The following RAB3GAP2 variants were observed in gnomAD, a reference collection of about 807,000 sequenced individuals.
RAB3GAP2 encodes RAB3 GTPase activating non-catalytic protein subunit 2.
In RAB3GAP2, 87 loss-of-function variants were observed where a neutral mutation model predicts 185.3. That is an observed-to-expected ratio of 0.47 (90% CI 0.39 to 0.56). RAB3GAP2 has a LOEUF of 0.56. Ranked by LOEUF, RAB3GAP2 falls within the 20% of genes least tolerant of loss-of-function variation. The probability of loss-of-function intolerance (pLI) is 0.00; values close to 1 mark genes in which losing one functional copy is unlikely to be tolerated. For missense variants in RAB3GAP2, 1,492 were observed against 1,638.2 expected, an observed-to-expected ratio of 0.91 and a Z score of 1.54; for synonymous variants, 554 against 576.1, an observed-to-expected ratio of 0.96 and a Z score of 0.55.
intron 1 of RAB3GAP2, among the ~76,000 whole-genome samples, chr1:220,243,277 C>G (rs1659732561): frequency 6.6e-6 from 1 of 151,028 alleles, no homozygotes; most frequent in Admixed American, 6.6e-5. Context: ...TGGTGTGAAC[C>G]TGGGAGGCAG....
intron 1 of RAB3GAP2, among the ~76,000 whole-genome samples, chr1:220,248,128 CA>C (rs138274095): frequency 0.07 from 10,606 of 151,202 alleles, 491 homozygotes; most frequent in South Asian, 0.12. Context: ...CTAAAAGATG[CA>C]AAAAAAATGA....
intron 2 of RAB3GAP2, among the ~76,000 whole-genome samples, chr1:220,214,477 G>T (rs1659146582): frequency 6.6e-6 from 1 of 151,706 alleles, no homozygotes; most frequent in African/African-American, 2.4e-5. Flanking sequence ...AGTGAGCTGA[G>T]ATCGCACCAC....
At chr1:220,156,751 G>A (rs1384546588) in intron 31 of RAB3GAP2, among the ~76,000 whole-genome samples, 1 of 152,162 alleles carries the variant, frequency 6.6e-6, no homozygotes, top group African/African-American at 2.4e-5. Context: ...GAAGAAAATT[G>A]GCTTGAAGTA....
At chr1:220,175,004 C>T (rs920987170) in intron 21 of RAB3GAP2, among the ~76,000 whole-genome samples, 32 of 152,180 alleles carry the variant, frequency 2.1e-4, no homozygotes, top group African/African-American at 7.7e-4. Context: ...GTTGCCTATA[C>T]AGTTAACAAA....
At chr1:220,267,091 C>A (rs1571938269) in intron 1 of RAB3GAP2, 12 of 1,569,930 alleles carry the variant, frequency 7.6e-6, no homozygotes, top group Non-Finnish European at 1.1e-5. Flanking sequence ...TTCTGACCAC[C>A]CAAAATTTGC....
At chr1:220,254,392 GCCTATA>G (rs1291995772) in intron 1 of RAB3GAP2, 1 of 1,612,798 alleles carries the variant, frequency 6.2e-7, no homozygotes, top group East Asian at 2.2e-5. Context: ...AGCAATGTTG[GCCTATA>G]CACCTCTGGA....
intron 2 of RAB3GAP2, among the ~76,000 whole-genome samples, chr1:220,216,870 T>A (rs1659210376): frequency 6.6e-6 from 1 of 152,152 alleles, no homozygotes; most frequent in African/African-American, 2.4e-5. Flanking sequence ...CCTAAAAATA[T>A]TATAAAAGTT....
At chr1:220,167,243 G>T in intron 26 of RAB3GAP2, 50 bp downstream of exon 26, 1 of 1,496,574 alleles carries the variant, frequency 6.7e-7, no homozygotes. Context: ...TATATGAATA[G>T]CATGAACACA....
chr1:220,153,882 G>T, intron 32 of RAB3GAP2, 86 bp downstream of exon 32: 1 of 1,575,924 alleles, frequency 6.3e-7, no homozygotes. Flanking sequence ...ATAGAAAGTA[G>T]TCATTCTTTT....
At chr1:220,159,545 A>G (rs1657926128) in intron 28 of RAB3GAP2, 124 bp from the exon 29 acceptor site, 4 of 699,520 alleles carry the variant, frequency 5.7e-6, no homozygotes, top group Non-Finnish European at 9.8e-6. Flanking sequence ...TAAATGTGAC[A>G]GCCTCATTAA....
At chr1:220,167,724 C>A (rs1469111074) in intron 24 of RAB3GAP2, 49 bp from the exon 25 acceptor site, 1 of 1,576,646 alleles carries the variant, frequency 6.3e-7, no homozygotes, top group African/African-American at 1.3e-5. Context: ...ACACACAGGG[C>A]AGTGTTTGCC....
intron 28 of RAB3GAP2, among the ~76,000 whole-genome samples, chr1:220,161,478 G>A (rs989794883): frequency 3.9e-5 from 6 of 152,098 alleles, no homozygotes; most frequent in Admixed American, 1.3e-4. Context: ...TGGTACTGTC[G>A]GCATGCTAGC....
chr1:220,164,655 T>C, intron 27 of RAB3GAP2, 78 bp downstream of exon 27: 1 of 1,538,800 alleles, frequency 6.5e-7, no homozygotes. Flanking sequence ...AGGTTGTAAA[T>C]CTTTAAATTC....
In RAB3GAP2 at chr1:220,202,291, CAAT is replaced by C; in HGVS notation, c.793_795del (p.Ile265del). 1 of 1,613,616 alleles carries C rather than the reference CAAT, an allele frequency of 6.2e-7. No homozygotes were observed. The highest frequency in any genetic ancestry group is 8.5e-7 in the Non-Finnish European group (1 of 1,179,838). On this transcript the variant is annotated inframe_deletion, in exon 9 of 35. Transcript: ENST00000358951. The stretch of plus-strand genomic sequence containing the variant: ...TAATACTTACCAACACTAGCATGAT[CAAT>C]AATAGTGTCAATATCTTGTAGACCC...
Position 220,190,487 on chromosome 1 carries a change from T to G in RAB3GAP2, c.1521A>C (p.Leu507Phe), listed in dbSNP as rs954053246. 1 of 1,605,848 alleles carries G rather than the reference T, an allele frequency of 6.2e-7. No homozygotes were observed. The highest frequency in any genetic ancestry group is 8.5e-7 in the Non-Finnish European group (1 of 1,172,488). Reference protein sequence around the residue: ...LLYPGYKIMGLNNVTSQSWQP... With the variant: ...LLYPGYKIMGFNNVTSQSWQP... ...GCCAACTCTGACTGGTAACATTATTTAAACCCATTATTTTATAGCCAGGAT... is the reference window on the plus strand; with the variant it reads ...GCCAACTCTGACTGGTAACATTATTGAAACCCATTATTTTATAGCCAGGAT... Residue 507 changes from leucine to phenylalanine, a missense_variant, in exon 15 of 35, where the codon TTA becomes TTC. Physicochemically the swap from Leu to Phe is conservative, Grantham distance 22. Coordinates refer to ENST00000358951, the MANE Select transcript of RAB3GAP2 (RefSeq NM_012414.4).
At chr1:220,200,220 A>G (rs779753504) in intron 9 of RAB3GAP2, among the ~76,000 whole-genome samples, 83 of 152,182 alleles carry the variant, frequency 5.5e-4, no homozygotes, top group Non-Finnish European at 9.6e-4. Context: ...ACCTCTTTCC[A>G]TAGCTGGCTC....
rs376617402 is a variant in RAB3GAP2, at chr1:220,223,645, TCC to T, written c.180+9152_180+9153del. On this transcript the variant is annotated intron_variant, in intron 2 of 34. Coordinates refer to ENST00000358951, the MANE Select transcript of RAB3GAP2 (RefSeq NM_012414.4). ...CGCATTCATCTCTCACAGTCTTGTT[TCC>T]CAATACAATATTTGTTAAAAACATG... Among the ~76,000 whole-genome samples, 63 of 152,054 alleles carry T rather than the reference TCC, an allele frequency of 4.1e-4. No homozygotes were observed. In the Middle Eastern group the frequency reaches 0.017, roughly 41 times the overall value.
chr1:220,176,155 A>G (rs755521706), intron 21 of RAB3GAP2, among the ~76,000 whole-genome samples: 3 of 152,200 alleles, frequency 2.0e-5, no homozygotes, highest in Non-Finnish European at 2.9e-5. Flanking sequence ...CTCCATAACT[A>G]GTAAATACAA....
intron 24 of RAB3GAP2, 78 bp downstream of exon 24, chr1:220,170,814 C>CT (rs1658160323): frequency 2.2e-5 from 27 of 1,206,658 alleles, no homozygotes; most frequent in Non-Finnish European, 3.3e-5. Flanking sequence ...TTTCTCTATT[C>CT]TTTCCGTCAT....
Sources: gnomAD v4.1 joint callset for allele counts (sites outside exome capture counted in the v4.1 genomes callset) on GRCh38, gnomAD v4.1.1 for gene constraint, MANE v1.5 for transcripts, NCBI Gene and HGNC (gene_info 2026-07-23, HGNC 2026-07-21) for gene names.